Variants in RTL4 observed in about 807,000 individuals in gnomAD.
The protein encoded by RTL4 is retrotransposon Gag-like protein 4.
RTL4 carries 4 observed loss-of-function variants against 5.3 expected under a neutral mutation model. The observed-to-expected ratio is 0.75, with a 90% CI of 0.37 to 1.72. The LOEUF is 1.72. Ranked by LOEUF, RTL4 falls within the 40% of genes most tolerant of loss-of-function variation. The probability of loss-of-function intolerance (pLI) is 0.04; values close to 1 mark genes in which losing one functional copy is unlikely to be tolerated. For missense variants in RTL4, 260 were observed against 227.1 expected, an observed-to-expected ratio of 1.14 and a Z score of -0.93; for synonymous variants, 98 against 87.3, an observed-to-expected ratio of 1.12 and a Z score of -0.68.
the RTL4 span, among the ~76,000 whole-genome samples, chrX:112,241,781 C>A: frequency 2.9e-3 from 323 of 111,698 alleles, no homozygotes; most frequent in African/African-American, 9.7e-3. Context: ...ATGCCTATGT[C>A]CTGAATGGTA....
the RTL4 span, among the ~76,000 whole-genome samples, chrX:112,193,352 C>T: frequency 9.1e-6 from 1 of 110,404 alleles, no homozygotes; most frequent in Admixed American, 9.7e-5. Context: ...ATTATAGTTA[C>T]CCTATTTTGC....
At chrX:112,258,473 T>G in the RTL4 span, among the ~76,000 whole-genome samples, 54 of 112,137 alleles carry the variant, frequency 4.8e-4, no homozygotes, top group African/African-American at 1.7e-3. Flanking sequence ...TATTCATTTT[T>G]TAAATGTATT....
chrX:112,399,523 T>C, the RTL4 span, among the ~76,000 whole-genome samples: 1 of 111,997 alleles, frequency 8.9e-6, no homozygotes, highest in East Asian at 2.8e-4. Flanking sequence ...TGTCTTGATT[T>C]TGATGCAGCT....
chrX:112,101,312 C>T, the RTL4 span, among the ~76,000 whole-genome samples: 1 of 111,775 alleles, frequency 8.9e-6, no homozygotes, highest in Admixed American at 9.5e-5. Flanking sequence ...GAAATAGAAA[C>T]TTCAAGCATA....
the RTL4 span, among the ~76,000 whole-genome samples, chrX:112,213,611 C>T: frequency 1.8e-5 from 2 of 111,951 alleles, no homozygotes; most frequent in African/African-American, 6.5e-5. Flanking sequence ...ATGGATTTCA[C>T]CATTTTTAAA....
At chrX:112,362,958 G>T in the RTL4 span, among the ~76,000 whole-genome samples, 658 of 111,007 alleles carry the variant, frequency 5.9e-3, 4 homozygotes, top group African/African-American at 0.02. Flanking sequence ...TCTTTCCCAA[G>T]TTTGTACGGA....
At chrX:112,370,716 A>G in the RTL4 span, among the ~76,000 whole-genome samples, 2 of 111,109 alleles carry the variant, frequency 1.8e-5, no homozygotes, top group South Asian at 7.6e-4. Flanking sequence ...TATTTTAAGT[A>G]GAAGATCCAC....
chrX:112,205,795 G>A, the RTL4 span, among the ~76,000 whole-genome samples: 7 of 111,723 alleles, frequency 6.3e-5, no homozygotes, highest in Non-Finnish European at 1.1e-4. Flanking sequence ...ATGTGTTAGC[G>A]GATATATACA....
the RTL4 span, among the ~76,000 whole-genome samples, chrX:112,208,852 C>T: frequency 6.2e-5 from 7 of 112,390 alleles, no homozygotes; most frequent in African/African-American, 1.3e-4. Flanking sequence ...GGAATGCAGC[C>T]AAGCTCCAAT....
chrX:112,202,353 G>A, the RTL4 span, among the ~76,000 whole-genome samples: 3 of 109,712 alleles, frequency 2.7e-5, no homozygotes, highest in Non-Finnish European at 5.7e-5. Flanking sequence ...GACATAACAT[G>A]GTTTGTATAA....
chrX:112,107,769 TATA>T, the RTL4 span, among the ~76,000 whole-genome samples: 2 of 111,862 alleles, frequency 1.8e-5, no homozygotes, highest in African/African-American at 3.2e-5. Context: ...ATGGTTTTAG[TATA>T]ATATGTCCTG....
chrX:112,373,743 A>G, the RTL4 span, among the ~76,000 whole-genome samples: 56 of 109,650 alleles, frequency 5.1e-4, no homozygotes, highest in Non-Finnish European at 9.7e-4. Context: ...CATTTTTAAC[A>G]CTTCAAAAAA....
the RTL4 span, among the ~76,000 whole-genome samples, chrX:112,309,277 C>A: frequency 9.2e-6 from 1 of 108,295 alleles, no homozygotes; most frequent in East Asian, 2.8e-4. Flanking sequence ...TCTCAAGTGG[C>A]AGAGATAGAC....
At chrX:112,316,531 C>A in the RTL4 span, among the ~76,000 whole-genome samples, 1 of 111,711 alleles carries the variant, frequency 9.0e-6, no homozygotes, top group Non-Finnish European at 1.9e-5. Flanking sequence ...CCAGACTTTA[C>A]CGCTATGCAA....
the RTL4 span, among the ~76,000 whole-genome samples, chrX:112,241,205 C>T: frequency 1.8e-5 from 2 of 110,946 alleles, no homozygotes; most frequent in African/African-American, 3.3e-5. Flanking sequence ...TGGGTATGTA[C>T]CCATTAATGG....
chrX:112,346,127 G>A, the RTL4 span, among the ~76,000 whole-genome samples: 24 of 111,411 alleles, frequency 2.2e-4, no homozygotes, highest in African/African-American at 7.8e-4. Flanking sequence ...TGAGTAATGG[G>A]GGTAACTTTT....
chrX:112,452,004 T>C (rs1206934157), upstream of RTL4, among the ~76,000 whole-genome samples: 1 of 111,418 alleles, frequency 9.0e-6, no homozygotes, highest in African/African-American at 3.3e-5. Flanking sequence ...CCCAGACTTA[T>C]TGAATCAGAA....
At chrX:112,437,012 C>G in the RTL4 span, among the ~76,000 whole-genome samples, 14 of 111,953 alleles carry the variant, frequency 1.3e-4, no homozygotes, top group African/African-American at 3.2e-4. Context: ...CAACCAGTGT[C>G]TTTCATATAC....
the RTL4 span, among the ~76,000 whole-genome samples, chrX:112,285,447 CAG>C: frequency 1.8e-5 from 2 of 111,606 alleles, no homozygotes; most frequent in South Asian, 3.7e-4. Flanking sequence ...TTAGAATATT[CAG>C]AGTTTCCCTC....
Sources: gnomAD v4.1 joint callset for allele counts (sites outside exome capture counted in the v4.1 genomes callset) on GRCh38, gnomAD v4.1.1 for gene constraint, MANE v1.5 for transcripts, NCBI Gene and HGNC (gene_info 2026-07-23, HGNC 2026-07-21) for gene names.